The following FILIP1L variants were observed in gnomAD, a reference collection of about 807,000 sequenced individuals.
FILIP1L encodes filamin A-interacting protein 1-like.
Under a neutral mutation model 96.6 loss-of-function variants are expected in FILIP1L, and 55 were observed. That is an observed-to-expected ratio of 0.57 (90% confidence interval 0.46 to 0.71). The LOEUF is 0.71. Among genes scored for constraint, FILIP1L ranks in the 30% least tolerant of loss-of-function variants. The pLI is 0.00. For synonymous variants in FILIP1L, 467 were observed against 473.9 expected, an observed-to-expected ratio of 0.99 and a Z score of 0.19; for missense variants, 1,304 against 1,321.2, an observed-to-expected ratio of 0.99 and a Z score of 0.20.
chr3:99,946,366 G>A (rs979841842), intron 1 of FILIP1L, among the ~76,000 whole-genome samples: 10 of 152,150 alleles, frequency 6.6e-5, no homozygotes, highest in Non-Finnish European at 1.3e-4. Context: ...TTTTTGTTAC[G>A]GAAAAGGAGT....
At chr3:99,937,771 A>G (rs6809988) in intron 1 of FILIP1L, among the ~76,000 whole-genome samples, 111,801 of 152,158 alleles carry the variant, frequency 0.73, 41,790 homozygotes, top group African/African-American at 0.88. Flanking sequence ...ATTCATTTGC[A>G]AACCACTGGC....
intron 4 of FILIP1L, among the ~76,000 whole-genome samples, chr3:99,917,302 A>G (rs1706984032): frequency 6.6e-6 from 1 of 152,124 alleles, no homozygotes; most frequent in Non-Finnish European, 1.5e-5. Flanking sequence ...TAAATTATCT[A>G]CAGATTATTT....
Position 99,849,995 on chromosome 3 carries a change from T to G in FILIP1L, c.1681A>C (p.Thr561Pro). 6.2e-7 allele frequency: 1 copy of G among 1,610,930 alleles called. No homozygotes were observed. Residue 561 changes from threonine (T) to proline (P), a missense_variant, in exon 5 of 6, where the codon ACC (threonine) becomes CCC (proline). Thr to Pro is a conservative substitution (Grantham distance 38). Coordinates refer to ENST00000477258, the MANE Select transcript of FILIP1L (RefSeq NM_001387850.1). ...TDVEEKMYSVTKERDDLKNKL... is the reference protein window; with the variant it reads ...TDVEEKMYSVPKERDDLKNKL... ...TTTTTTAAATCATCTCTCTCCTTGG[T>G]TACGCTGTACATCTTTTCTTCTACA...
At chr3:99,931,601 A>G (rs1320895898) in intron 1 of FILIP1L, among the ~76,000 whole-genome samples, 1 of 152,180 alleles carries the variant, frequency 6.6e-6, no homozygotes, top group Non-Finnish European at 1.5e-5. Context: ...GTCTAGTATT[A>G]AAGGAATGAA....
intron 5 of FILIP1L, 131 bp from the exon 6 acceptor site, chr3:99,830,736 A>G: frequency 2.6e-6 from 1 of 382,016 alleles, no homozygotes; most frequent in Non-Finnish European, 5.2e-6. Context: ...GTATCAGATC[A>G]AAGATCGTCA....
At chr3:99,862,262 A>G (rs1243560887) in intron 4 of FILIP1L, among the ~76,000 whole-genome samples, 1 of 152,060 alleles carries the variant, frequency 6.6e-6, no homozygotes, top group African/African-American at 2.4e-5. Flanking sequence ...GGCATATTGG[A>G]AAAAAAAGTA....
Position 100,030,673 on chromosome 3 carries a change from A to G in FILIP1L, c.-11+83380T>C, listed in dbSNP as rs146823493. Among the ~76,000 whole-genome samples the G allele has an allele frequency of 4.5e-3, 690 of 152,246 alleles. 7 individuals are homozygous for G. Among genetic ancestry groups the G allele is most frequent in the African/African-American group, 0.016 (674 of 41,540 alleles). On this transcript the variant is annotated intron_variant, in intron 1 of 5. Coordinates refer to ENST00000477258, the MANE Select transcript of FILIP1L (RefSeq NM_001387850.1). Reference sequence around the variant, plus strand: ...GTCCCCACAACTAATTTAACCTTCTACATTAAACCAGTATCCAATAACTGC... The same window carrying G: ...GTCCCCACAACTAATTTAACCTTCTGCATTAAACCAGTATCCAATAACTGC...
rs143268675 is a variant in FILIP1L at position 100,055,864 on chromosome 3, T to C, written c.-11+58189A>G. 8.5e-4 allele frequency among the ~76,000 whole-genome samples: 130 copies of C among 152,332 alleles called. 2 individuals are homozygous for C. In the East Asian group the frequency reaches 0.022, roughly 26 times the overall value. On this transcript the variant is annotated intron_variant, in intron 1 of 5. Coordinates refer to ENST00000477258, the MANE Select transcript of FILIP1L (RefSeq NM_001387850.1). ...TCTTCCACAATATGAAGGGTAGATA[T>C]GAAGTTTTTCATAACTACCTTCAAG...
At chr3:99,987,528 CAAA>C (rs1209242716) in intron 1 of FILIP1L, among the ~76,000 whole-genome samples, 4 of 57,150 alleles carry the variant, frequency 7.0e-5, no homozygotes, top group Admixed American at 2.0e-4. Flanking sequence ...GATTCTGTCT[CAAA>C]AAAAAAAAAA....
chr3:99,873,908 A>G (rs1705371412), intron 4 of FILIP1L, among the ~76,000 whole-genome samples: 1 of 152,210 alleles, frequency 6.6e-6, no homozygotes, highest in Non-Finnish European at 1.5e-5. Flanking sequence ...TAAAATTATT[A>G]TGTGCTTTAT....
chr3:99,877,069 T>C (rs556390656), intron 4 of FILIP1L, among the ~76,000 whole-genome samples: 116 of 152,234 alleles, frequency 7.6e-4, no homozygotes, highest in Non-Finnish European at 1.4e-3. Flanking sequence ...GTAGATTTAC[T>C]TGTACAAATC....
intron 4 of FILIP1L, chr3:99,874,261 A>G (rs1453205620): frequency 2.0e-5 from 3 of 152,230 alleles, no homozygotes; most frequent in Non-Finnish European, 4.4e-5. Context: ...GTTGTAGTTT[A>G]TGGTACAGAT....
chr3:100,051,770 C>G lies in FILIP1L; in HGVS notation c.-11+62283G>C, dbSNP rs1007537904. 3.3e-5 allele frequency among the ~76,000 whole-genome samples: 5 copies of G among 151,318 alleles called. No homozygotes were observed. In the East Asian group the frequency reaches 5.8e-4, roughly 18 times the overall value. ...TAGTCGATCATTGTTGGACATTTGG[C>G]TTGGTTCCAAGTCTTTGCTATTGTG... On this transcript the variant is annotated intron_variant, in intron 1 of 5. Coordinates refer to ENST00000477258, the MANE Select transcript of FILIP1L (RefSeq NM_001387850.1).
At chr3:99,896,693 G>A (rs997228929) in intron 4 of FILIP1L, among the ~76,000 whole-genome samples, 1 of 152,172 alleles carries the variant, frequency 6.6e-6, no homozygotes, top group African/African-American at 2.4e-5. Context: ...TACAATGATA[G>A]TGTTGATTCA....
At chr3:99,937,542 C>G (rs1707718380) in intron 1 of FILIP1L, among the ~76,000 whole-genome samples, 2 of 152,304 alleles carry the variant, frequency 1.3e-5, no homozygotes, top group East Asian at 3.9e-4. Context: ...GCTCTGTGGC[C>G]TTGGGCGTCA....
rs758820845 is a variant in FILIP1L at position 99,848,509 on chromosome 3, G to C, written c.3167C>G (p.Thr1056Ser). The change falls in exon 5 of 6, where the codon ACT becomes AGT. Residue 1056 changes from threonine to serine, a missense_variant. Transcript: ENST00000477258. Reference sequence around the variant, plus strand: ...AATGTGGATTTTATTATCCTCAGTAGTTATCACACTTGAGCTATTGCTGTT... The same window carrying C: ...AATGTGGATTTTATTATCCTCAGTACTTATCACACTTGAGCTATTGCTGTT... ...RSNSNSSSVI[T>S]TEDNKIHIHL... is the part of the protein sequence containing the mutation. 1 of 1,614,182 alleles carries C rather than the reference G, an allele frequency of 6.2e-7. No individual in the cohort carries two copies. The highest frequency in any genetic ancestry group is 8.5e-7 in the Non-Finnish European group (1 of 1,180,026).
intron 4 of FILIP1L, among the ~76,000 whole-genome samples, chr3:99,892,970 C>G (rs534703181): frequency 4.6e-5 from 7 of 152,174 alleles, no homozygotes; most frequent in Admixed American, 2.0e-4. Flanking sequence ...GCTGATCCCC[C>G]AAAACAGAGC....
At chr3:99,954,652 C>T (rs770031959) in intron 1 of FILIP1L, among the ~76,000 whole-genome samples, 2 of 151,994 alleles carry the variant, frequency 1.3e-5, no homozygotes, top group Non-Finnish European at 2.9e-5. Flanking sequence ...ATGGTGAAAC[C>T]CCGTCTCTAC....
At chr3:99,931,484 G>T (rs1300330097) in intron 1 of FILIP1L, among the ~76,000 whole-genome samples, 3 of 152,152 alleles carry the variant, frequency 2.0e-5, no homozygotes, top group East Asian at 1.9e-4. Flanking sequence ...CTTTTATGGG[G>T]TTTTTTGTTT....
Sources: gnomAD v4.1 joint callset for allele counts (sites outside exome capture counted in the v4.1 genomes callset) on GRCh38, gnomAD v4.1.1 for gene constraint, MANE v1.5 for transcripts, NCBI Gene and HGNC (gene_info 2026-07-23, HGNC 2026-07-21) for gene names.